The following GALNTL6 variants were observed in gnomAD, a reference collection of about 807,000 sequenced individuals.
GALNTL6 encodes polypeptide N-acetylgalactosaminyltransferase-like 6.
GALNTL6 carries 46 observed loss-of-function variants against 73.7 expected under a neutral mutation model. That is an observed-to-expected ratio of 0.62 (90% confidence interval 0.49 to 0.80). GALNTL6 has a LOEUF of 0.80. GALNTL6 is among the 30% of genes least tolerant of loss of function. The pLI is 0.00. For synonymous variants in GALNTL6, 259 were observed against 263.7 expected, an observed-to-expected ratio of 0.98 and a Z score of 0.17; for missense variants, 604 against 755.0, an observed-to-expected ratio of 0.80 and a Z score of 2.34.
chr4:172,443,121 C>CATATATATATAT (rs4048464), intron 5 of GALNTL6, among the ~76,000 whole-genome samples: 16 of 52,018 alleles, frequency 3.1e-4, no homozygotes, highest in Non-Finnish European at 4.2e-4. Flanking sequence ...GATCCATATA[C>CATATATATATAT]ATATATATAT....
chr4:172,439,660 C>T (rs758581055), intron 5 of GALNTL6, among the ~76,000 whole-genome samples: 12 of 151,706 alleles, frequency 7.9e-5, no homozygotes, highest in Non-Finnish European at 1.8e-4. Flanking sequence ...TCCTAAACTT[C>T]AGAATGTTTT....
intron 5 of GALNTL6, among the ~76,000 whole-genome samples, chr4:172,400,969 A>G (rs770572799): frequency 2.6e-5 from 4 of 152,196 alleles, no homozygotes; most frequent in Admixed American, 6.5e-5. Context: ...ACTACAAATG[A>G]TAAATGAGAC....
chr4:172,289,382 C>A (rs1739381570), intron 3 of GALNTL6, among the ~76,000 whole-genome samples: 1 of 152,156 alleles, frequency 6.6e-6, no homozygotes. Flanking sequence ...ATCAGCTCCT[C>A]CTCACATTTG....
chr4:172,419,577 A>G (rs1730977908), intron 5 of GALNTL6, among the ~76,000 whole-genome samples: 1 of 152,208 alleles, frequency 6.6e-6, no homozygotes. Context: ...GCTACTGCCC[A>G]TAAACGTTTC....
chr4:172,790,168 G>T (rs906779327), intron 5 of GALNTL6, among the ~76,000 whole-genome samples: 1 of 152,194 alleles, frequency 6.6e-6, no homozygotes, highest in Non-Finnish European at 1.5e-5. Flanking sequence ...AAAGCTTTTG[G>T]TTCTGAGGGC....
intron 2 of GALNTL6, among the ~76,000 whole-genome samples, chr4:171,953,836 G>GA (rs1738963029): frequency 1.3e-5 from 2 of 152,028 alleles, no homozygotes; most frequent in Non-Finnish European, 2.9e-5. Context: ...TTATTTTTAA[G>GA]AAAATCAAAC....
At chr4:171,956,009 T>TTG (rs1553974851) in intron 2 of GALNTL6, among the ~76,000 whole-genome samples, 3 of 143,976 alleles carry the variant, frequency 2.1e-5, no homozygotes, top group African/African-American at 7.4e-5. Flanking sequence ...TGTGTGTGTG[T>TTG]GTGTGGGACA....
intron 2 of GALNTL6, among the ~76,000 whole-genome samples, chr4:172,205,849 A>T (rs17058116): frequency 0.042 from 6,386 of 152,214 alleles, 422 homozygotes; most frequent in African/African-American, 0.14. Context: ...CTCATCACAT[A>T]GTTTTTCCTT....
At chr4:172,712,180 A>G (rs1734746924) in intron 5 of GALNTL6, among the ~76,000 whole-genome samples, 1 of 152,310 alleles carries the variant, frequency 6.6e-6, no homozygotes, top group Admixed American at 6.5e-5. Flanking sequence ...CATGTATTGC[A>G]CTCTAAGAAA....
chr4:171,977,100 CAGA>C lies in GALNTL6; in HGVS notation c.138+162388_138+162390del, dbSNP rs1457374331. Among the ~76,000 whole-genome samples, 3 of 152,154 alleles carry C rather than the reference CAGA, an allele frequency of 2.0e-5. No homozygotes were observed. The East Asian group carries it at 5.8e-4, about 29-fold the overall frequency. ...TCTGCCAGCTATGACTCTGGGCATT[CAGA>C]AGAAGGAGAGTAAGCCTTAGCCTCA... On this transcript the variant is annotated intron_variant, in intron 2 of 12. Coordinates refer to ENST00000506823, the MANE Select transcript of GALNTL6 (RefSeq NM_001034845.3).
intron 4 of GALNTL6, among the ~76,000 whole-genome samples, chr4:172,334,991 T>TG (rs2111188848): frequency 6.6e-6 from 1 of 152,026 alleles, no homozygotes; most frequent in Non-Finnish European, 1.5e-5. Context: ...GACTTTTTTT[T>TG]TTTTTTTGAG....
intron 5 of GALNTL6, among the ~76,000 whole-genome samples, chr4:172,498,076 C>T (rs540614241): frequency 6.0e-5 from 9 of 149,256 alleles, no homozygotes; most frequent in East Asian, 5.9e-4. Flanking sequence ...CTGTAACCTC[C>T]GCCTCCCAGG....
chr4:172,854,211 C>A (rs1743999351), intron 7 of GALNTL6, among the ~76,000 whole-genome samples: 1 of 152,180 alleles, frequency 6.6e-6, no homozygotes, highest in African/African-American at 2.4e-5. Context: ...ACCTTCCCAT[C>A]CACTTTGGCC....
At chr4:172,495,229 T>C (rs920799039) in intron 5 of GALNTL6, among the ~76,000 whole-genome samples, 20 of 152,206 alleles carry the variant, frequency 1.3e-4, no homozygotes, top group Admixed American at 1.0e-3. Context: ...GAGGTAACCA[T>C]AGGACAAATC....
intron 5 of GALNTL6, among the ~76,000 whole-genome samples, chr4:172,385,372 A>G (rs1269148576): frequency 6.6e-6 from 1 of 152,082 alleles, no homozygotes; most frequent in Non-Finnish European, 1.5e-5. Context: ...AAAGTGCAAC[A>G]TTGAAATCTT....
chr4:172,718,801 A>T (rs902846777), intron 5 of GALNTL6, among the ~76,000 whole-genome samples: 1 of 152,182 alleles, frequency 6.6e-6, no homozygotes. Flanking sequence ...ATTATTTTTT[A>T]AAATCAACTT....
chr4:172,470,846 A>G (rs1197570471), intron 5 of GALNTL6, among the ~76,000 whole-genome samples: 2 of 152,182 alleles, frequency 1.3e-5, no homozygotes, highest in East Asian at 3.8e-4. Context: ...ATGGGCCTGC[A>G]CACACACATA....
chr4:171,985,548 C>T (rs1276284200), intron 2 of GALNTL6, among the ~76,000 whole-genome samples: 1 of 152,092 alleles, frequency 6.6e-6, no homozygotes, highest in African/African-American at 2.4e-5. Flanking sequence ...GTATTATTCC[C>T]CATCACCTGT....
chr4:172,415,230 C>T (rs1308273237), intron 5 of GALNTL6, among the ~76,000 whole-genome samples: 6 of 152,220 alleles, frequency 3.9e-5, no homozygotes, highest in African/African-American at 1.4e-4. Context: ...CATGACTCAA[C>T]TGCTAAGGCA....
Sources: allele counts gnomAD v4.1 joint callset (sites outside exome capture counted in the v4.1 genomes callset), GRCh38; gene constraint gnomAD v4.1.1; transcripts MANE v1.5; gene names NCBI Gene and HGNC (gene_info 2026-07-23, HGNC 2026-07-21).